The following CADPS variants were observed in gnomAD, a reference collection of about 807,000 sequenced individuals.
CADPS encodes the protein calcium dependent secretion activator, also known as calcium-dependent secretion activator 1.
In CADPS, 57 loss-of-function variants were observed where a neutral mutation model predicts 167.3. The observed-to-expected ratio is 0.34, with a 90% confidence interval of 0.28 to 0.42. CADPS has a LOEUF of 0.42. Ranked by LOEUF, CADPS falls within the 20% of genes least tolerant of loss-of-function variation. The pLI is 1.00. For synonymous variants in CADPS, 676 were observed against 635.3 expected (o/e 1.06, Z -0.96); for missense variants, 1,414 against 1,738.1 (o/e 0.81, Z 3.32).
At chr3:62,635,940 G>A (rs111513120) in intron 6 of CADPS, among the ~76,000 whole-genome samples, 34 of 152,188 alleles carry the variant, frequency 2.2e-4, no homozygotes, top group Admixed American at 6.5e-4. Context: ...GTACAAGTAA[G>A]GGATCTACAT....
intron 13 of CADPS, among the ~76,000 whole-genome samples, chr3:62,522,750 C>T (rs536287961): frequency 5.3e-5 from 8 of 152,286 alleles, no homozygotes; most frequent in Non-Finnish European, 1.2e-4. Flanking sequence ...CATACACATG[C>T]GAACATAGCC....
intron 6 of CADPS, among the ~76,000 whole-genome samples, chr3:62,593,842 T>G (rs924681544): frequency 3.9e-5 from 6 of 152,248 alleles, no homozygotes; most frequent in Non-Finnish European, 8.8e-5. Flanking sequence ...TCACTGGATT[T>G]AAGTTATTGA....
chr3:62,704,814 G>A (rs1041797470), intron 3 of CADPS, among the ~76,000 whole-genome samples: 12 of 152,106 alleles, frequency 7.9e-5, no homozygotes, highest in African/African-American at 2.2e-4. Flanking sequence ...TTCAGAATTC[G>A]TAGGCATTGT....
Position 62,874,958 on chromosome 3 carries a change from G to T in CADPS, c.72C>A (p.Leu24=), listed in dbSNP as rs779620579. ...GGCGCGCGCCGGACGGGGCCGAGCC[G>T]AGCACCTCCTTGCCGCTCTCCTCCT... ...IVEEESGKEV[L]GSAPSGARLS... is the part of the protein sequence containing the mutation. Residue 24 remains leucine (L), a synonymous_variant, in exon 1 of 30, where the codon CTC becomes CTA. Transcript: ENST00000383710. The surrounding 1 kb of genome is among the most constrained non-coding windows in gnomAD (Gnocchi z 7.1). The T allele has an allele frequency of 1.1e-5, 18 of 1,581,224 alleles. No individual in the cohort carries two copies. The African/African-American group carries it at 2.0e-4, about 17-fold the overall frequency.
intron 2 of CADPS, among the ~76,000 whole-genome samples, chr3:62,757,970 T>G (rs1039602806): frequency 1.2e-4 from 19 of 152,340 alleles, no homozygotes; most frequent in Middle Eastern, 3.4e-3. Context: ...ATGATTCAAT[T>G]ACCTCTCACT....
At chr3:62,773,254 T>G (rs1421563545) in intron 1 of CADPS, among the ~76,000 whole-genome samples, 1 of 152,082 alleles carries the variant, frequency 6.6e-6, no homozygotes, top group Non-Finnish European at 1.5e-5. Context: ...TTTAGAAAAT[T>G]TAGAAATCAC....
At chr3:62,682,221 A>G (rs1044575955) in intron 3 of CADPS, among the ~76,000 whole-genome samples, 3 of 151,924 alleles carry the variant, frequency 2.0e-5, no homozygotes, top group Non-Finnish European at 4.4e-5. Context: ...CAAAGAAAGA[A>G]CTCCACTTTT....
intron 3 of CADPS, among the ~76,000 whole-genome samples, chr3:62,722,262 C>T (rs994137407): frequency 7.9e-5 from 12 of 152,220 alleles, no homozygotes; most frequent in Non-Finnish European, 1.5e-4. Flanking sequence ...CTGTGGAAGA[C>T]GGCCATGCCG....
At chr3:62,857,312 A>C (rs535730336) in intron 1 of CADPS, among the ~76,000 whole-genome samples, 4 of 152,128 alleles carry the variant, frequency 2.6e-5, no homozygotes, top group Non-Finnish European at 5.9e-5. Flanking sequence ...CTCATGCTCC[A>C]CTAGTGGGAG....
intron 1 of CADPS, among the ~76,000 whole-genome samples, chr3:62,841,601 C>T (rs1317503529): frequency 6.6e-6 from 1 of 152,134 alleles, no homozygotes; most frequent in Non-Finnish European, 1.5e-5. Context: ...CCTGTAGTCC[C>T]AGCCGCTCAG....
chr3:62,483,571 A>G (rs565625371), intron 21 of CADPS, among the ~76,000 whole-genome samples: 1 of 152,264 alleles, frequency 6.6e-6, no homozygotes, highest in South Asian at 2.1e-4. Context: ...TGTCTCATAA[A>G]TTTGTCCTTT....
intron 1 of CADPS, among the ~76,000 whole-genome samples, chr3:62,799,875 T>C (rs1326067737): frequency 1.3e-5 from 2 of 152,192 alleles, no homozygotes; most frequent in Non-Finnish European, 2.9e-5. Context: ...TTCTTGGCTG[T>C]CCTTTCAAGG....
intron 3 of CADPS, among the ~76,000 whole-genome samples, chr3:62,679,657 T>C (rs2076841895): frequency 6.6e-6 from 1 of 151,980 alleles, no homozygotes; most frequent in East Asian, 1.9e-4. Flanking sequence ...CTAAGTAAAA[T>C]GAACTTTGCC....
intron 10 of CADPS, among the ~76,000 whole-genome samples, chr3:62,553,060 G>A (rs1328075868): frequency 2.6e-5 from 4 of 152,108 alleles, no homozygotes; most frequent in Non-Finnish European, 5.9e-5. Flanking sequence ...GGAAGAGCAG[G>A]TCAATAGACC....
At chr3:62,457,200 C>T (rs2058793142) in intron 26 of CADPS, among the ~76,000 whole-genome samples, 4 of 152,132 alleles carry the variant, frequency 2.6e-5, no homozygotes, top group Admixed American at 2.6e-4. Context: ...TACTCCAATC[C>T]ACCATTTTCT....
intron 28 of CADPS, among the ~76,000 whole-genome samples, chr3:62,425,472 A>T (rs949479319): frequency 6.6e-6 from 1 of 152,206 alleles, no homozygotes; most frequent in Non-Finnish European, 1.5e-5. Flanking sequence ...ACAGATGTCT[A>T]ATCCCTACCT....
At chr3:62,873,826 C>G (rs149905703) in intron 1 of CADPS, among the ~76,000 whole-genome samples, 3,813 of 152,188 alleles carry the variant, frequency 0.025, 84 homozygotes, top group South Asian at 0.076. Flanking sequence ...GGGTCAAAGA[C>G]AGGACGGCGG....
At position 62,787,727 on chromosome 3, in the gene CADPS, CTT is replaced by C. The variant is rs373523923; in HGVS notation, c.442-21745_442-21744del. Among the ~76,000 whole-genome samples the C allele has an allele frequency of 3.0e-4, 45 of 152,224 alleles. 1 individual carries two copies. The highest frequency in any genetic ancestry group is 1.1e-3 in the African/African-American group (44 of 41,552). ...GTTTGAATTTTGAATCTATTGTGAA[CTT>C]TGGACAATAGCTTGGCTTGTCTAAG... On this transcript the variant is annotated intron_variant, in intron 1 of 29. Coordinates refer to ENST00000383710, the MANE Select transcript of CADPS (RefSeq NM_003716.4).
chr3:62,599,814 ATAT>A (rs1437190645), intron 6 of CADPS, among the ~76,000 whole-genome samples: 1 of 8,508 alleles, frequency 1.2e-4, no homozygotes, highest in Admixed American at 2.7e-3. Context: ...AATAAATAAT[ATAT>A]TATATATTAT....
Sources: gnomAD v4.1 joint callset for allele counts (sites outside exome capture counted in the v4.1 genomes callset) on GRCh38, gnomAD v4.1.1 for gene constraint, Gnocchi (gnomAD v3.1) non-coding constraint, MANE v1.5 for transcripts, NCBI Gene and HGNC (gene_info 2026-07-23, HGNC 2026-07-21) for gene names.